NPSR1: variants seen among roughly 807,000 people sequenced by gnomAD.
NPSR1 encodes neuropeptide S receptor.
Under a neutral mutation model 46.9 loss-of-function variants are expected in NPSR1, and 48 were observed. The observed-to-expected ratio is 1.02, with a 90% CI of 0.81 to 1.30. NPSR1 has a LOEUF of 1.30. Among genes scored for constraint, NPSR1 ranks in the 50% most tolerant of loss-of-function variants. NPSR1 has a pLI of 0.00. For synonymous variants in NPSR1, 176 were observed against 168.1 expected, an observed-to-expected ratio of 1.05 and a Z score of -0.36; for missense variants, 450 against 449.5, an observed-to-expected ratio of 1.00 and a Z score of -0.01.
chr7:34,709,429 A>G (rs375071241), intron 2 of NPSR1, among the ~76,000 whole-genome samples: 13 of 152,234 alleles, frequency 8.5e-5, no homozygotes, highest in East Asian at 3.8e-4. Flanking sequence ...CAATAACAGT[A>G]TGGTCACTGT....
At chr7:34,772,160 G>T (rs578045947) in intron 2 of NPSR1, among the ~76,000 whole-genome samples, 4 of 152,236 alleles carry the variant, frequency 2.6e-5, no homozygotes, top group African/African-American at 9.6e-5. Flanking sequence ...CTCAGCACTT[G>T]CTGCATGCCA....
At chr7:34,862,152 C>T (rs986043535) in intron 8 of NPSR1, among the ~76,000 whole-genome samples, 9 of 151,690 alleles carry the variant, frequency 5.9e-5, no homozygotes, top group African/African-American at 2.2e-4. Flanking sequence ...CTCAGACTAC[C>T]TCAATCATTG....
chr7:34,831,260 C>T (rs1790103579), intron 5 of NPSR1, among the ~76,000 whole-genome samples: 1 of 152,040 alleles, frequency 6.6e-6, no homozygotes. Context: ...ATGTCACTCT[C>T]TCTACTCTTT....
At chr7:34,755,500 C>G (rs1206493182) in intron 2 of NPSR1, among the ~76,000 whole-genome samples, 1 of 152,186 alleles carries the variant, frequency 6.6e-6, no homozygotes, top group Non-Finnish European at 1.5e-5. Flanking sequence ...AGACAGTTTA[C>G]TATCCTTATT....
chr7:34,844,535 C>A (rs1387011303), intron 6 of NPSR1, among the ~76,000 whole-genome samples: 1 of 152,138 alleles, frequency 6.6e-6, no homozygotes, highest in Non-Finnish European at 1.5e-5. Context: ...AAAGTGGCCA[C>A]ATGGGTGTCT....
intron 6 of NPSR1, among the ~76,000 whole-genome samples, chr7:34,840,816 A>C (rs1407979472): frequency 6.6e-6 from 1 of 152,166 alleles, no homozygotes; most frequent in Non-Finnish European, 1.5e-5. Flanking sequence ...GTCACCATAG[A>C]GGCACAGGCG....
At chr7:34,717,636 C>T (rs1168956301) in intron 2 of NPSR1, among the ~76,000 whole-genome samples, 1 of 152,176 alleles carries the variant, frequency 6.6e-6, no homozygotes, top group Non-Finnish European at 1.5e-5. Context: ...AGAACTTCTA[C>T]TTCTGCTCCC....
intron 3 of NPSR1, among the ~76,000 whole-genome samples, chr7:34,794,319 C>G (rs1788076405): frequency 6.6e-6 from 1 of 152,014 alleles, no homozygotes. Context: ...CATATCAAAA[C>G]ATCATATCGT....
At chr7:34,793,905 G>A (rs1788051803) in intron 3 of NPSR1, among the ~76,000 whole-genome samples, 2 of 152,122 alleles carry the variant, frequency 1.3e-5, no homozygotes, top group Admixed American at 1.3e-4. Context: ...GAAAGAAATT[G>A]TTTCATCTGT....
At chr7:34,707,023 G>T (rs374762161) in intron 2 of NPSR1, among the ~76,000 whole-genome samples, 1 of 151,808 alleles carries the variant, frequency 6.6e-6, no homozygotes, top group East Asian at 1.9e-4. Context: ...TTGTCCTATC[G>T]CTATGTGAAT....
At chr7:34,720,852 C>T (rs138056457) in intron 2 of NPSR1, among the ~76,000 whole-genome samples, 33 of 151,590 alleles carry the variant, frequency 2.2e-4, no homozygotes, top group Non-Finnish European at 2.8e-4. Context: ...ATCATCAAGT[C>T]GGAAAAGAAA....
chr7:34,846,097 C>T (rs938237948), intron 7 of NPSR1, among the ~76,000 whole-genome samples: 1 of 152,158 alleles, frequency 6.6e-6, no homozygotes, highest in African/African-American at 2.4e-5. Context: ...ACATATACAA[C>T]CCACCAGGGC....
chr7:34,730,261 A>C (rs980898924), intron 2 of NPSR1, among the ~76,000 whole-genome samples: 1 of 152,164 alleles, frequency 6.6e-6, no homozygotes, highest in African/African-American at 2.4e-5. Context: ...ATTTGAAATG[A>C]ATAGAGAAAA....
chr7:34,792,675 G>GTATATATATT (rs1787959251), intron 3 of NPSR1, among the ~76,000 whole-genome samples: 1 of 81,276 alleles, frequency 1.2e-5, no homozygotes, highest in African/African-American at 4.3e-5. Context: ...TTATATATAT[G>GTATATATATT]TATATATATA....
chr7:34,684,689 G>C lies in NPSR1; in HGVS notation c.280+5G>C. 1.2e-6 allele frequency: 2 copies of C among 1,607,382 alleles called. No homozygotes were observed. The highest frequency in any genetic ancestry group is 2.2e-5 in the East Asian group (1 of 44,580). On this transcript the variant is annotated splice_donor_5th_base_variant and intron_variant, in intron 2 of 8. Transcript: ENST00000360581. ...TGACTCAGCTGGCCATCACAGGTAAGTAACTATGCAAGTGAGAGGCAGGAA... is the reference window on the plus strand; with the variant it reads ...TGACTCAGCTGGCCATCACAGGTAACTAACTATGCAAGTGAGAGGCAGGAA...
intron 8 of NPSR1, among the ~76,000 whole-genome samples, chr7:34,864,188 C>T (rs1791253923): frequency 6.6e-6 from 1 of 151,494 alleles, no homozygotes; most frequent in African/African-American, 2.4e-5. Context: ...CACATGGACA[C>T]AAGGAAGGGA....
At chr7:34,659,050 A>G (rs898057990) in intron 1 of NPSR1, among the ~76,000 whole-genome samples, 1 of 152,202 alleles carries the variant, frequency 6.6e-6, no homozygotes, top group South Asian at 2.1e-4. Flanking sequence ...TTCATTAAAC[A>G]TCAGTGAGGA....
At chr7:34,785,161 GA>G (rs1390830912) in intron 3 of NPSR1, among the ~76,000 whole-genome samples, 1 of 151,848 alleles carries the variant, frequency 6.6e-6, no homozygotes, top group Non-Finnish European at 1.5e-5. Context: ...ACGGGATTAA[GA>G]AAATGTGGCA....
At chr7:34,847,376 G>T (rs544575480) in intron 7 of NPSR1, among the ~76,000 whole-genome samples, 1 of 150,650 alleles carries the variant, frequency 6.6e-6, no homozygotes, top group South Asian at 2.1e-4. Context: ...GCTCTGTGTC[G>T]TAGTCTGTGC....
Sources: gnomAD v4.1 joint callset for allele counts (sites outside exome capture counted in the v4.1 genomes callset) on GRCh38, gnomAD v4.1.1 for gene constraint, MANE v1.5 for transcripts, NCBI Gene and HGNC (gene_info 2026-07-23, HGNC 2026-07-21) for gene names.